The following PPARGC1A variants were observed in gnomAD, a reference collection of about 807,000 sequenced individuals.
PPARGC1A encodes the protein PPARG coactivator 1 alpha, also known as peroxisome proliferator-activated receptor gamma coactivator 1-alpha.
PPARGC1A carries 25 observed loss-of-function variants against 88.7 expected under a neutral mutation model. The ratio of observed to expected loss-of-function variants is 0.28; its 90% CI spans 0.21 to 0.39. The LOEUF is 0.39. PPARGC1A is among the 10% of genes least tolerant of loss of function. The pLI, the probability that PPARGC1A is intolerant of heterozygous loss-of-function variation, is 1.00. For missense variants in PPARGC1A, 880 were observed against 968.7 expected (o/e 0.91, Z 1.22); for synonymous variants, 363 against 355.6 (o/e 1.02, Z -0.24).
chr4:23,900,430 A>G (rs1719198015), upstream of PPARGC1A, among the ~76,000 whole-genome samples: 1 of 152,214 alleles, frequency 6.6e-6, no homozygotes, highest in South Asian at 2.1e-4. Context: ...CTGAACCTCA[A>G]GCACTTCATC....
the PPARGC1A span, among the ~76,000 whole-genome samples, chr4:24,156,214 T>C: frequency 7.2e-5 from 11 of 152,180 alleles, no homozygotes; most frequent in Admixed American, 5.2e-4. Flanking sequence ...TTGGGATATA[T>C]AACACAGGCT....
At chr4:24,313,374 T>G in the PPARGC1A span, among the ~76,000 whole-genome samples, 1 of 152,162 alleles carries the variant, frequency 6.6e-6, no homozygotes, top group Admixed American at 6.6e-5. Flanking sequence ...ATAGAAGATA[T>G]TTGCCATGTT....
chr4:24,090,749 T>C, the PPARGC1A span, among the ~76,000 whole-genome samples: 3 of 152,188 alleles, frequency 2.0e-5, no homozygotes, highest in East Asian at 5.8e-4. Flanking sequence ...AAATATGCAT[T>C]AGAGGTGTGT....
chr4:24,047,760 A>G, the PPARGC1A span, among the ~76,000 whole-genome samples: 1 of 152,230 alleles, frequency 6.6e-6, no homozygotes, highest in African/African-American at 2.4e-5. Context: ...ATCTCAGGCC[A>G]TAGTGAAGCC....
At chr4:24,060,535 CAAA>C in the PPARGC1A span, among the ~76,000 whole-genome samples, 3 of 152,108 alleles carry the variant, frequency 2.0e-5, no homozygotes, top group Admixed American at 6.5e-5. Flanking sequence ...AGAACAACAA[CAAA>C]AAAAAAATCG....
At chr4:24,231,974 A>T in the PPARGC1A span, among the ~76,000 whole-genome samples, 1 of 152,170 alleles carries the variant, frequency 6.6e-6, no homozygotes, top group Admixed American at 6.5e-5. Context: ...TAAGAGAAAA[A>T]CTTTTCAAAT....
chr4:24,337,358 G>C, the PPARGC1A span, among the ~76,000 whole-genome samples: 2 of 152,196 alleles, frequency 1.3e-5, no homozygotes, highest in Non-Finnish European at 2.9e-5. Context: ...CAGCTACGGA[G>C]TAGTTATTTG....
the PPARGC1A span, among the ~76,000 whole-genome samples, chr4:24,002,093 C>CAGAGAGAGAGAGAGAG: frequency 6.6e-5 from 9 of 135,780 alleles, no homozygotes; most frequent in African/African-American, 2.6e-4. Context: ...CACACACACA[C>CAGAGAGAGAGAGAGAG]ACACAGAGAG....
At chr4:24,122,421 A>G in the PPARGC1A span, among the ~76,000 whole-genome samples, 510 of 106,864 alleles carry the variant, frequency 4.8e-3, 5 homozygotes, top group East Asian at 0.069. Context: ...GTGTGCATAT[A>G]TATATATATA....
the PPARGC1A span, among the ~76,000 whole-genome samples, chr4:24,288,745 T>A: frequency 6.6e-6 from 1 of 152,318 alleles, no homozygotes; most frequent in Non-Finnish European, 1.5e-5. Context: ...GAATGGCTAT[T>A]TTAAAAATCC....
chr4:24,345,691 A>AGGGT, the PPARGC1A span, among the ~76,000 whole-genome samples: 18 of 152,226 alleles, frequency 1.2e-4, no homozygotes, highest in Admixed American at 5.2e-4. Context: ...AGGAGTCCTT[A>AGGGT]GGGTTTTCAA....
chr4:24,357,424 C>T, the PPARGC1A span, among the ~76,000 whole-genome samples: 38 of 152,328 alleles, frequency 2.5e-4, no homozygotes, highest in South Asian at 2.1e-4. Context: ...AATATTTAAT[C>T]AAAGCATTCA....
chr4:23,899,928 C>T (rs114836866), upstream of PPARGC1A, among the ~76,000 whole-genome samples: 1 of 151,866 alleles, frequency 6.6e-6, no homozygotes, highest in Admixed American at 6.6e-5. Context: ...GTATCATATA[C>T]TTCGATAACA....
At chr4:24,301,273 T>A in the PPARGC1A span, among the ~76,000 whole-genome samples, 1 of 152,176 alleles carries the variant, frequency 6.6e-6, no homozygotes, top group Non-Finnish European at 1.5e-5. Context: ...GGAAGGATTT[T>A]ATCTGGCAAA....
the PPARGC1A span, among the ~76,000 whole-genome samples, chr4:24,328,398 T>C: frequency 7.2e-4 from 110 of 152,252 alleles, no homozygotes; most frequent in African/African-American, 2.6e-3. Context: ...TCATGGACAA[T>C]ATGATTAGGT....
upstream of PPARGC1A, chr4:23,903,919 C>G: frequency 7.1e-6 from 4 of 561,938 alleles, no homozygotes; most frequent in Non-Finnish European, 9.0e-6. Flanking sequence ...CCCTCATCAC[C>G]AGAAATAAAA....
At chr4:24,249,241 A>C in the PPARGC1A span, among the ~76,000 whole-genome samples, 1 of 152,198 alleles carries the variant, frequency 6.6e-6, no homozygotes, top group Non-Finnish European at 1.5e-5. Context: ...CATACAGGAA[A>C]GAAAAATAGC....
chr4:23,977,700 T>C, the PPARGC1A span, among the ~76,000 whole-genome samples: 111 of 152,152 alleles, frequency 7.3e-4, no homozygotes, highest in African/African-American at 2.2e-3. Context: ...TTAAATTAAA[T>C]AAAAAGAGAA....
At chr4:24,222,623 G>A in the PPARGC1A span, among the ~76,000 whole-genome samples, 1 of 152,140 alleles carries the variant, frequency 6.6e-6, no homozygotes, top group Non-Finnish European at 1.5e-5. Context: ...AAAGTCCAAG[G>A]TTATACTGTA....
Sources: allele counts gnomAD v4.1 joint callset (sites outside exome capture counted in the v4.1 genomes callset), GRCh38; gene constraint gnomAD v4.1.1; transcripts MANE v1.5; gene names NCBI Gene and HGNC (gene_info 2026-07-23, HGNC 2026-07-21).